ZCCHC14: variants seen among roughly 807,000 people sequenced by gnomAD.
ZCCHC14 encodes zinc finger CCHC-type containing 14.
In ZCCHC14, 16 loss-of-function variants were observed where a neutral mutation model predicts 85.0. The ratio of observed to expected loss-of-function variants is 0.19; its 90% CI spans 0.13 to 0.29. The LOEUF (loss-of-function observed/expected upper bound fraction) is 0.29, where lower values mean the gene tolerates loss of function less well. ZCCHC14 is among the 10% of genes least tolerant of loss of function. The pLI, the probability that ZCCHC14 is intolerant of heterozygous loss-of-function variation, is 1.00. For missense variants in ZCCHC14, 1,303 were observed against 1,443.5 expected (o/e 0.90, Z 1.58); for synonymous variants, 775 against 630.7 (o/e 1.23, Z -3.43).
chr16:87,477,767 C>T (rs1257381541), intron 1 of ZCCHC14, among the ~76,000 whole-genome samples: 12 of 152,118 alleles, frequency 7.9e-5, no homozygotes, highest in African/African-American at 2.9e-4. Flanking sequence ...CACGCCCCCA[C>T]CGCATCCCCC....
At chr16:87,432,867 C>A (rs4843610) in intron 3 of ZCCHC14, among the ~76,000 whole-genome samples, 2 of 152,144 alleles carry the variant, frequency 1.3e-5, no homozygotes, top group Non-Finnish European at 2.9e-5. Flanking sequence ...ATTTAGCCCC[C>A]TGAGGTATGC....
Position 87,411,570 on chromosome 16 carries a change from T to C in ZCCHC14, c.3151A>G (p.Thr1051Ala), listed in dbSNP as rs369033735. ...GNLSCYNCGA[T>A]GHRAQDCKQP... The stretch of plus-strand genomic sequence containing the variant: ...TTGCAGTCCTGGGCGCGGTGACCAG[T>C]GGCCCCGCAGTTGTAACAAGATAGG... Residue 1051 changes from threonine (T) to alanine (A), a missense_variant, in exon 12 of 13, where the codon ACT becomes GCT. This residue lies in a region of ZCCHC14 where 797 missense variants were observed against 730.8 expected (regional missense o/e 1.09). Transcript: ENST00000671377. The C allele has an allele frequency of 2.9e-5, 47 of 1,613,610 alleles. No homozygotes were observed. The highest frequency in any genetic ancestry group is 3.3e-5 in the Non-Finnish European group (39 of 1,180,030).
At chr16:87,451,091 G>C (rs1376332421) in intron 2 of ZCCHC14, among the ~76,000 whole-genome samples, 1 of 150,020 alleles carries the variant, frequency 6.7e-6, no homozygotes, top group Non-Finnish European at 1.5e-5. Flanking sequence ...GTAGAAATGG[G>C]CTTTCACCAC....
chr16:87,455,647 G>A (rs1336804692), intron 2 of ZCCHC14, among the ~76,000 whole-genome samples: 1 of 152,176 alleles, frequency 6.6e-6, no homozygotes, highest in Non-Finnish European at 1.5e-5. Flanking sequence ...AGAATCCGTG[G>A]CTGAGGAATG....
Position 87,411,629 on chromosome 16 carries a change from C to A in ZCCHC14, c.3092G>T (p.Ser1031Ile). 1 of 1,613,920 alleles carries A rather than the reference C, an allele frequency of 6.2e-7. No homozygotes were observed. Among genetic ancestry groups the A allele is most frequent in the African/African-American group, 1.3e-5 (1 of 75,060 alleles). Residue 1031 changes from serine to isoleucine, a missense_variant, in exon 12 of 13, where the codon AGT becomes ATT. By Grantham distance (142) the Ser-to-Ile change is moderately radical. This residue lies in a region of ZCCHC14 where 797 missense variants were observed against 730.8 expected (regional missense o/e 1.09). Coordinates refer to ENST00000671377, the MANE Select transcript of ZCCHC14 (RefSeq NM_015144.3). Reference sequence around the variant, plus strand: ...CTTTTTGTGACTGGAACCATTGCTACTGCCCACCAGTCCTTGGGTCTGGTA... The same window carrying A: ...CTTTTTGTGACTGGAACCATTGCTAATGCCCACCAGTCCTTGGGTCTGGTA... ...GVYQTQGLVG[S>I]SNGSSHKKSG...
intron 2 of ZCCHC14, among the ~76,000 whole-genome samples, chr16:87,455,784 G>A (rs184864819): frequency 1.6e-4 from 24 of 152,312 alleles, no homozygotes; most frequent in African/African-American, 2.9e-4. Context: ...TGCTTCGAGC[G>A]CCCATACAAC....
intron 2 of ZCCHC14, among the ~76,000 whole-genome samples, chr16:87,447,198 C>T (rs893703275): frequency 1.3e-5 from 2 of 151,382 alleles, no homozygotes; most frequent in Non-Finnish European, 2.9e-5. Context: ...AGAAACAGAC[C>T]TCACCCCTCC....
At position 87,412,401 on chromosome 16, in the gene ZCCHC14, T is replaced by A; in HGVS notation, c.2320A>T (p.Ile774Phe). The change falls in exon 12 of 13, where the codon ATC becomes TTC. Residue 774 changes from isoleucine to phenylalanine, a missense_variant. This residue lies in a region of ZCCHC14 where 797 missense variants were observed against 730.8 expected (regional missense o/e 1.09). Transcript: ENST00000671377. Reference protein sequence around the residue: ...STVLHAARPPIKLLLSSSVPA... With the variant: ...STVLHAARPPFKLLLSSSVPA... The stretch of plus-strand genomic sequence containing the variant: ...ACAGATGACGACAGCAGCAGTTTGA[T>A]GGGCGGACGGGCGGCGTGGAGGACT... 4 of 1,614,176 alleles carry A rather than the reference T, an allele frequency of 2.5e-6. No homozygotes were observed. The highest frequency in any genetic ancestry group is 2.5e-6 in the Non-Finnish European group (3 of 1,180,028).
At chr16:87,487,110 G>A (rs184723909) in intron 1 of ZCCHC14, among the ~76,000 whole-genome samples, 77 of 152,246 alleles carry the variant, frequency 5.1e-4, no homozygotes, top group African/African-American at 1.8e-3. Context: ...CTGATCTTTG[G>A]ACAGACATTT....
At chr16:87,454,180 GT>G (rs1910841527) in intron 2 of ZCCHC14, among the ~76,000 whole-genome samples, 3 of 152,214 alleles carry the variant, frequency 2.0e-5, no homozygotes, top group African/African-American at 7.2e-5. Flanking sequence ...AAGACCAAAG[GT>G]TTCTCATACA....
intron 4 of ZCCHC14, among the ~76,000 whole-genome samples, chr16:87,421,880 C>G (rs1366841079): frequency 6.6e-6 from 1 of 151,932 alleles, no homozygotes; most frequent in African/African-American, 2.4e-5. Context: ...CCTCCGGCTC[C>G]ACGGTCATCT....
rs751425764 is a variant in ZCCHC14 at position 87,412,562 on chromosome 16, G to C, written c.2159C>G (p.Ser720Cys). Residue 720 changes from serine to cysteine, a missense_variant, in exon 12 of 13, where the codon TCC (serine) becomes TGC (cysteine). Coordinates refer to ENST00000671377, the MANE Select transcript of ZCCHC14 (RefSeq NM_015144.3). Reference protein sequence around the residue: ...QVLSGLSESSSMSPTVSFGPR... With the variant: ...QVLSGLSESSCMSPTVSFGPR... ...ACCAAAGGAGACTGTGGGTGACATG[G>C]AGCTGCTCTCCGAAAGCCCAGAGAG... The C allele has an allele frequency of 1.9e-6, 3 of 1,614,044 alleles. No individual in the cohort carries two copies. Among genetic ancestry groups the C allele is most frequent in the Non-Finnish European group, 2.5e-6 (3 of 1,180,050 alleles).
chr16:87,441,243 C>G (rs146397432), intron 2 of ZCCHC14, among the ~76,000 whole-genome samples: 1 of 151,890 alleles, frequency 6.6e-6, no homozygotes, highest in Non-Finnish European at 1.5e-5. Context: ...CCGCCCGCCT[C>G]GGCCTCCCAA....
chr16:87,442,438 T>C (rs778669255), intron 2 of ZCCHC14, among the ~76,000 whole-genome samples: 1 of 152,160 alleles, frequency 6.6e-6, no homozygotes, highest in Non-Finnish European at 1.5e-5. Flanking sequence ...ATGGCACAGA[T>C]GCTAGAACTA....
intron 1 of ZCCHC14, among the ~76,000 whole-genome samples, chr16:87,460,597 G>C (rs767519985): frequency 1.3e-5 from 2 of 152,094 alleles, no homozygotes; most frequent in Non-Finnish European, 2.9e-5. Flanking sequence ...GGCTGACGTG[G>C]GAGGATCACT....
intron 1 of ZCCHC14, among the ~76,000 whole-genome samples, chr16:87,476,525 C>T (rs1280413967): frequency 1.3e-5 from 2 of 151,838 alleles, no homozygotes; most frequent in African/African-American, 2.4e-5. Flanking sequence ...CTGCACAAGG[C>T]GGGGTACGGT....
chr16:87,484,017 A>G (rs1283940335), intron 1 of ZCCHC14, among the ~76,000 whole-genome samples: 2 of 152,250 alleles, frequency 1.3e-5, no homozygotes, highest in African/African-American at 4.8e-5. Flanking sequence ...GAGAAGCCTC[A>G]TCTGGAAAGA....
intron 2 of ZCCHC14, among the ~76,000 whole-genome samples, chr16:87,447,295 G>T (rs1200209489): frequency 6.6e-6 from 1 of 152,118 alleles, no homozygotes; most frequent in Non-Finnish European, 1.5e-5. Flanking sequence ...AACGGCAAGG[G>T]GGTCAGGTGT....
In ZCCHC14 at chr16:87,420,761, A is replaced by C; in HGVS notation, c.841-45T>G. ...AGAGGAGGTGTGTCCAGACCCATCC[A>C]ACACCAGCAGAATTCTGCTACTGCA... is the stretch of plus-strand genomic sequence containing the variant. On this transcript the variant is annotated intron_variant, in intron 4 of 12. Transcript: ENST00000671377. This position sits in a 1 kb window ranked among gnomAD's most constrained non-coding sequence, Gnocchi z 5.0. 3 of 1,513,804 alleles carry C rather than the reference A, an allele frequency of 2.0e-6. No individual in the cohort carries two copies. In the South Asian group the frequency reaches 3.7e-5, roughly 18 times the overall value. 93.8% of individuals were successfully genotyped at this position (1,513,804 alleles called of 1,614,324 possible). A position where few individuals can be genotyped will look rare whatever the true frequency, so the allele number is the denominator to read the frequency against.
Sources: allele counts gnomAD v4.1 joint callset (sites outside exome capture counted in the v4.1 genomes callset), GRCh38; gene constraint gnomAD v4.1.1; regional missense constraint gnomAD v4.1.1; non-coding constraint Gnocchi (gnomAD v3.1); transcripts MANE v1.5; gene names NCBI Gene and HGNC (gene_info 2026-07-23, HGNC 2026-07-21).